The following GLIS3 variants were observed in gnomAD, a reference collection of about 807,000 sequenced individuals.
GLIS3 encodes GLIS family zinc finger 3, also known as zinc finger protein GLIS3.
GLIS3 carries 53 observed loss-of-function variants against 78.6 expected under a neutral mutation model. The ratio of observed to expected loss-of-function variants is 0.67; its 90% CI spans 0.54 to 0.85. The LOEUF (loss-of-function observed/expected upper bound fraction) is 0.85, where lower values mean the gene tolerates loss of function less well. Ranked by LOEUF, GLIS3 falls within the 40% of genes least tolerant of loss-of-function variation. GLIS3 has a pLI of 0.00. For synonymous variants in GLIS3, 684 were observed against 509.9 expected, an observed-to-expected ratio of 1.34 and a Z score of -4.60; for missense variants, 1,703 against 1,231.1, an observed-to-expected ratio of 1.38 and a Z score of -5.74.
At chr9:4,194,633 C>T (rs191425979) in intron 2 of GLIS3, among the ~76,000 whole-genome samples, 98 of 152,262 alleles carry the variant, frequency 6.4e-4, no homozygotes, top group African/African-American at 2.2e-3. Flanking sequence ...ATTATAGACA[C>T]CCCAAATCCA....
the GLIS3 span, among the ~76,000 whole-genome samples, chr9:4,468,616 A>T: frequency 6.6e-6 from 1 of 152,232 alleles, no homozygotes; most frequent in Non-Finnish European, 1.5e-5. Flanking sequence ...GGCCTGCCTT[A>T]CAAGAGCTCC....
At chr9:4,401,875 T>C in the GLIS3 span, among the ~76,000 whole-genome samples, 2 of 152,076 alleles carry the variant, frequency 1.3e-5, no homozygotes, top group Non-Finnish European at 2.9e-5. Flanking sequence ...CCAGTGGTGG[T>C]GATGGCTCCA....
At chr9:4,198,112 C>T (rs754638804) in intron 2 of GLIS3, among the ~76,000 whole-genome samples, 1 of 152,126 alleles carries the variant, frequency 6.6e-6, no homozygotes, top group Admixed American at 6.5e-5. Flanking sequence ...TGTAGTAACG[C>T]CACCAAAGAA....
At chr9:3,965,903 A>C (rs1407188949) in intron 4 of GLIS3, among the ~76,000 whole-genome samples, 1 of 152,250 alleles carries the variant, frequency 6.6e-6, no homozygotes, top group Non-Finnish European at 1.5e-5. Context: ...ACCACTGTGT[A>C]GGCACATGTC....
At chr9:4,298,087 G>T (rs929781631) in intron 1 of GLIS3, among the ~76,000 whole-genome samples, 4 of 152,160 alleles carry the variant, frequency 2.6e-5, no homozygotes, top group Admixed American at 2.6e-4. Context: ...ACAAACTAGT[G>T]CCGGCTTCCT....
intron 4 of GLIS3, among the ~76,000 whole-genome samples, chr9:4,064,196 A>C (rs1459275790): frequency 1.3e-5 from 2 of 152,210 alleles, no homozygotes; most frequent in Non-Finnish European, 2.9e-5. Flanking sequence ...ACTGAGGAAA[A>C]AATCTAGATT....
chr9:4,271,387 C>G (rs1826493709), intron 2 of GLIS3, among the ~76,000 whole-genome samples: 1 of 152,122 alleles, frequency 6.6e-6, no homozygotes, highest in Non-Finnish European at 1.5e-5. Context: ...GGGGTCAGCA[C>G]CCCTAACCTC....
chr9:4,285,895 C>A (rs989728569), intron 2 of GLIS3, 143 bp downstream of exon 2: 4 of 1,015,500 alleles, frequency 3.9e-6, no homozygotes, highest in East Asian at 2.4e-5. Flanking sequence ...CCTTACTGAG[C>A]AAGCTATATA....
At chr9:3,880,889 C>G (rs928910025) in intron 7 of GLIS3, among the ~76,000 whole-genome samples, 2 of 152,212 alleles carry the variant, frequency 1.3e-5, no homozygotes, top group African/African-American at 4.8e-5. Flanking sequence ...AATCAGCATT[C>G]TGTCAGGTTA....
intron 7 of GLIS3, among the ~76,000 whole-genome samples, chr9:3,882,004 T>C (rs978332409): frequency 6.6e-5 from 10 of 152,254 alleles, no homozygotes; most frequent in African/African-American, 2.2e-4. Context: ...TACCTTTTTC[T>C]ACTTACTTCA....
chr9:3,949,062 T>C (rs1257327478), intron 4 of GLIS3, among the ~76,000 whole-genome samples: 2 of 152,214 alleles, frequency 1.3e-5, no homozygotes, highest in Non-Finnish European at 2.9e-5. Context: ...GCCTTTTGGC[T>C]CAGTTATTTA....
the GLIS3 span, among the ~76,000 whole-genome samples, chr9:4,463,819 T>C: frequency 6.6e-6 from 1 of 152,216 alleles, no homozygotes; most frequent in Non-Finnish European, 1.5e-5. Flanking sequence ...TTTTTCATGG[T>C]GACGTTCAGC....
upstream of GLIS3, among the ~76,000 whole-genome samples, chr9:4,300,644 G>A (rs1295523884): frequency 2.6e-5 from 4 of 151,986 alleles, no homozygotes; most frequent in African/African-American, 9.7e-5. Flanking sequence ...TATATTCCCT[G>A]CGTATGTTAC....
At chr9:3,969,998 C>T (rs762891025) in intron 4 of GLIS3, among the ~76,000 whole-genome samples, 2 of 152,234 alleles carry the variant, frequency 1.3e-5, no homozygotes, top group African/African-American at 4.8e-5. Flanking sequence ...TAGAATTGTA[C>T]AGTCATTTCA....
chr9:4,123,914 C>G (rs1260897778), intron 3 of GLIS3: 1 of 396,070 alleles, frequency 2.5e-6, no homozygotes, highest in African/African-American at 2.1e-5. Context: ...GGCAGCATCT[C>G]TCAAACTGGA....
intron 2 of GLIS3, chr9:4,152,155 T>C: frequency 1.0e-6 from 1 of 980,048 alleles, no homozygotes; most frequent in Non-Finnish European, 1.2e-6. Flanking sequence ...AAACTCTGCT[T>C]CCTCCAACAC....
At chr9:3,917,775 G>C (rs750511844) in intron 6 of GLIS3, among the ~76,000 whole-genome samples, 1 of 152,190 alleles carries the variant, frequency 6.6e-6, no homozygotes, top group South Asian at 2.1e-4. Flanking sequence ...CACCGTTCCT[G>C]TATAGTAGCC....
At chr9:4,116,335 C>T (rs537605112) in intron 4 of GLIS3, among the ~76,000 whole-genome samples, 6 of 152,330 alleles carry the variant, frequency 3.9e-5, no homozygotes, top group African/African-American at 1.4e-4. Context: ...TTCTTTGTGG[C>T]ATTTTTAATG....
chr9:3,875,148 C>A (rs2130424528), intron 8 of GLIS3, among the ~76,000 whole-genome samples: 1 of 152,318 alleles, frequency 6.6e-6, no homozygotes, highest in Admixed American at 6.5e-5. Flanking sequence ...ACGCTGAGTT[C>A]CTCTCATGGG....
Sources: allele counts gnomAD v4.1 joint callset (sites outside exome capture counted in the v4.1 genomes callset), GRCh38; gene constraint gnomAD v4.1.1; transcripts MANE v1.5; gene names NCBI Gene and HGNC (gene_info 2026-07-23, HGNC 2026-07-21).